The following ASCC1 variants were observed in gnomAD, a reference collection of about 807,000 sequenced individuals.
The protein encoded by ASCC1 is ASC-1 complex subunit P50.
A neutral mutation model predicts 46.6 loss-of-function variants in ASCC1; 35 were observed. The observed-to-expected ratio is 0.75, with a 90% CI of 0.57 to 0.99. The LOEUF is 0.99. Ranked by LOEUF, ASCC1 falls within the 50% of genes least tolerant of loss-of-function variation. The pLI is 0.00. For missense variants in ASCC1, 376 were observed against 428.7 expected, an observed-to-expected ratio of 0.88 and a Z score of 1.09; for synonymous variants, 143 against 146.6, an observed-to-expected ratio of 0.98 and a Z score of 0.18.
rs551128779 is a variant in ASCC1 at position 72,127,486 on chromosome 10, T to C, written c.957+596A>G. Among the ~76,000 whole-genome samples, 16 of 152,248 alleles carry C rather than the reference T, an allele frequency of 1.1e-4. No homozygotes were observed. In the South Asian group the frequency reaches 1.5e-3, roughly 14 times the overall value. On this transcript the variant is annotated intron_variant, in intron 9 of 9. Transcript: ENST00000672957. ...AGGCTGTTCCTGAGTAAAAATGGCT[T>C]ATAAAGCCACTGCAGAGATTGACTT... is the stretch of plus-strand genomic sequence containing the variant.
At chr10:72,112,128 G>A (rs1178872267) in intron 9 of ASCC1, among the ~76,000 whole-genome samples, 1 of 152,192 alleles carries the variant, frequency 6.6e-6, no homozygotes, top group African/African-American at 2.4e-5. Flanking sequence ...CTTCAAAGAG[G>A]ACAGTGCCCT....
At chr10:72,186,608 G>A (rs1465718490) in intron 5 of ASCC1, among the ~76,000 whole-genome samples, 2 of 152,122 alleles carry the variant, frequency 1.3e-5, no homozygotes, top group African/African-American at 4.8e-5. Context: ...GGCTTTCATA[G>A]CCATCTTCGT....
At chr10:72,161,501 G>A in intron 6 of ASCC1, 37 bp downstream of exon 6, 1 of 1,613,924 alleles carries the variant, frequency 6.2e-7, no homozygotes, top group Non-Finnish European at 8.5e-7. Context: ...GCCAGCCCAG[G>A]TAGACCACCC....
rs774930709 is a variant in ASCC1 at position 72,152,898 on chromosome 10, G to C, written c.717C>G (p.Ala239=). ...TGGAGCCATCTTTCATATGGACTTT[G>C]GCGTAAAGAACATCCACCATGCCAG... The part of the protein sequence containing the change: ...DDPGMVDVLY[A]KVHMKDGSNR... Residue 239 remains alanine (A), a synonymous_variant, in exon 7 of 10, where the codon GCC becomes GCG. Transcript: ENST00000672957. The C allele has an allele frequency of 4.3e-6, 7 of 1,614,064 alleles. No individual in the cohort carries two copies. Among genetic ancestry groups the C allele is most frequent in the Non-Finnish European group, 5.9e-6 (7 of 1,179,978 alleles).
intron 4 of ASCC1, among the ~76,000 whole-genome samples, 163 bp from the exon 5 acceptor site, chr10:72,197,152 A>G (rs751247546): frequency 1.3e-5 from 2 of 152,152 alleles, no homozygotes; most frequent in Admixed American, 6.6e-5. Flanking sequence ...TAATTAATTC[A>G]ATGTAAGCAG....
intron 3 of ASCC1, chr10:72,204,435 T>A (rs1373732985): frequency 5.8e-6 from 9 of 1,550,434 alleles, no homozygotes; most frequent in Non-Finnish European, 7.8e-6. Flanking sequence ...GACTTCCAAG[T>A]ATAAATATTC....
intron 9 of ASCC1, among the ~76,000 whole-genome samples, chr10:72,115,438 A>G (rs1843393768): frequency 6.6e-6 from 1 of 152,236 alleles, no homozygotes; most frequent in Admixed American, 6.5e-5. Flanking sequence ...AAGAACAAGT[A>G]TCATTTGAAT....
intron 5 of ASCC1, among the ~76,000 whole-genome samples, chr10:72,182,624 A>G (rs1404724310): frequency 6.6e-6 from 1 of 152,212 alleles, no homozygotes; most frequent in African/African-American, 2.4e-5. Context: ...CAATTAAGTC[A>G]ATAATATAAA....
At chr10:72,177,060 G>A (rs1209972900) in intron 5 of ASCC1, among the ~76,000 whole-genome samples, 1 of 151,956 alleles carries the variant, frequency 6.6e-6, no homozygotes, top group Non-Finnish European at 1.5e-5. Flanking sequence ...TAAGAGTAGA[G>A]TCCATTGTTG....
chr10:72,177,022 T>C (rs1851940736), intron 5 of ASCC1, among the ~76,000 whole-genome samples: 1 of 152,008 alleles, frequency 6.6e-6, no homozygotes, highest in Non-Finnish European at 1.5e-5. Context: ...AAGAAGTCTA[T>C]TTCCCACACC....
At chr10:72,193,473 CA>C (rs1469097183) in intron 5 of ASCC1, among the ~76,000 whole-genome samples, 12 of 149,468 alleles carry the variant, frequency 8.0e-5, no homozygotes, top group African/African-American at 2.5e-4. Context: ...CACACACACA[CA>C]CACACCACAC....
chr10:72,182,961 T>A (rs1307031042), intron 5 of ASCC1, among the ~76,000 whole-genome samples: 2 of 151,682 alleles, frequency 1.3e-5, no homozygotes, highest in East Asian at 3.9e-4. Flanking sequence ...ATATTCCTTA[T>A]ACTATCTTTA....
rs114869532 is a variant in ASCC1 at position 72,212,971 on chromosome 10, A to G, written c.112+216T>C. Among the ~76,000 whole-genome samples, 757 of 152,296 alleles carry G rather than the reference A, an allele frequency of 5.0e-3. 3 individuals carry two copies. Among genetic ancestry groups the G allele is most frequent in the African/African-American group, 0.017 (725 of 41,560 alleles). ...CTCTATGATATTTAAACCTCTGTAC[A>G]AAGAAGAAACATAACTTATAAATTG... On this transcript the variant is annotated intron_variant, in intron 2 of 9. Coordinates refer to ENST00000672957, the MANE Select transcript of ASCC1 (RefSeq NM_001198800.3).
chr10:72,162,453 G>A (rs1849813039), intron 5 of ASCC1, among the ~76,000 whole-genome samples: 1 of 152,098 alleles, frequency 6.6e-6, no homozygotes, highest in African/African-American at 2.4e-5. Flanking sequence ...TTACAAGAGT[G>A]AGCCACCGCG....
intron 8 of ASCC1, among the ~76,000 whole-genome samples, chr10:72,131,214 T>C (rs1485788156): frequency 6.7e-6 from 1 of 149,736 alleles, no homozygotes; most frequent in African/African-American, 2.5e-5. Flanking sequence ...AGGTCAGGAG[T>C]TCAAGATCAG....
intron 7 of ASCC1, among the ~76,000 whole-genome samples, chr10:72,136,094 C>T (rs1846154198): frequency 6.6e-6 from 1 of 152,190 alleles, no homozygotes; most frequent in Non-Finnish European, 1.5e-5. Flanking sequence ...ACAATCACAG[C>T]TAACTGCAGC....
intron 7 of ASCC1, among the ~76,000 whole-genome samples, chr10:72,137,362 A>T (rs911333698): frequency 6.6e-6 from 1 of 152,016 alleles, no homozygotes; most frequent in Non-Finnish European, 1.5e-5. Flanking sequence ...CCCCATCTCT[A>T]CTAAAGATAC....
chr10:72,165,130 T>A (rs895965035), intron 5 of ASCC1, among the ~76,000 whole-genome samples: 9 of 152,212 alleles, frequency 5.9e-5, no homozygotes, highest in African/African-American at 2.2e-4. Context: ...TTCTTTTTTT[T>A]TGAGACGGAG....
intron 9 of ASCC1, among the ~76,000 whole-genome samples, chr10:72,122,332 T>A (rs1358054205): frequency 1.3e-5 from 2 of 151,682 alleles, no homozygotes; most frequent in Admixed American, 1.3e-4. Context: ...GGCATGAGAA[T>A]TGCTTGAACC....
Sources: allele counts gnomAD v4.1 joint callset (sites outside exome capture counted in the v4.1 genomes callset), GRCh38; gene constraint gnomAD v4.1.1; transcripts MANE v1.5; gene names NCBI Gene and HGNC (gene_info 2026-07-23, HGNC 2026-07-21).